UGT2B4: variants seen among roughly 807,000 people sequenced by gnomAD.
UGT2B4 encodes the protein UDP glucuronosyltransferase family 2 member B4, also known as UDP-glucuronosyltransferase 2B4.
Under a neutral mutation model 49.8 loss-of-function variants are expected in UGT2B4, and 49 were observed. That is an observed-to-expected ratio of 0.98 (90% CI 0.78 to 1.25). UGT2B4 has a LOEUF of 1.25. Ranked by LOEUF, UGT2B4 falls within the 50% of genes most tolerant of loss-of-function variation. UGT2B4 has a pLI of 0.00. For synonymous variants in UGT2B4, 246 were observed against 217.7 expected, an observed-to-expected ratio of 1.13 and a Z score of -1.14; for missense variants, 729 against 627.7, an observed-to-expected ratio of 1.16 and a Z score of -1.73.
intron 1 of UGT2B4, among the ~76,000 whole-genome samples, chr4:69,507,658 G>A (rs1380118899): frequency 6.6e-6 from 1 of 152,044 alleles, no homozygotes; most frequent in Non-Finnish European, 1.5e-5. Flanking sequence ...AAAGCCATAT[G>A]TAGAACACTA....
At chr4:69,481,083 A>G (rs1727574322) in intron 5 of UGT2B4, among the ~76,000 whole-genome samples, 173 bp from the exon 6 acceptor site, 1 of 102,946 alleles carries the variant, frequency 9.7e-6, no homozygotes, top group African/African-American at 3.6e-5. Flanking sequence ...CGTCTCCAGT[A>G]AAAATATGAA....
intron 1 of UGT2B4, among the ~76,000 whole-genome samples, chr4:69,519,316 A>G (rs1449507113): frequency 4.6e-5 from 7 of 152,240 alleles, no homozygotes; most frequent in African/African-American, 1.7e-4. Flanking sequence ...TAACCTAAGT[A>G]TGTCATCCAA....
chr4:69,508,899 C>T (rs1214889752), intron 1 of UGT2B4, among the ~76,000 whole-genome samples: 4 of 152,024 alleles, frequency 2.6e-5, no homozygotes, highest in African/African-American at 9.7e-5. Flanking sequence ...TTAAGTATAG[C>T]CACAACATTG....
intron 1 of UGT2B4, among the ~76,000 whole-genome samples, chr4:69,514,279 C>G (rs957557599): frequency 2.0e-5 from 3 of 152,106 alleles, no homozygotes; most frequent in African/African-American, 7.2e-5. Context: ...TGATATTCCC[C>G]TTCCTGTGTC....
At chr4:69,496,392 G>C (rs1434695233), upstream of UGT2B4, among the ~76,000 whole-genome samples, 1 of 152,110 alleles carries the variant, frequency 6.6e-6, no homozygotes, top group Admixed American at 6.5e-5. Flanking sequence ...CCTGACTCAT[G>C]TAATATATTT....
chr4:69,502,091 CTCTTTCTT>C (rs1157898949), intron 1 of UGT2B4, among the ~76,000 whole-genome samples: 1,321 of 108,454 alleles, frequency 0.012, 13 homozygotes, highest in African/African-American at 0.016. Flanking sequence ...TTCTTTCTCT[CTCTTTCTT>C]TCTTTCTTTC....
At chr4:69,521,805 T>C (rs779077283) in intron 1 of UGT2B4, among the ~76,000 whole-genome samples, 19 of 152,232 alleles carry the variant, frequency 1.2e-4, no homozygotes, top group Non-Finnish European at 2.6e-4. Context: ...ATTTGTTATA[T>C]GAAGGTAGCT....
intron 1 of UGT2B4, among the ~76,000 whole-genome samples, chr4:69,502,089 CTCTCTTTCTTTCTTTCTTTCTTTCTT>C (rs1728335533): frequency 1.2e-5 from 1 of 84,054 alleles, no homozygotes; most frequent in African/African-American, 4.6e-5. Context: ...CTTTCTTTCT[CTCTCTTTCTTTCTTTCTTTCTTTCTT>C]TCTTTCTTTC....
intron 4 of UGT2B4, 102 bp downstream of exon 4, chr4:69,486,507 G>T: frequency 1.3e-6 from 1 of 742,970 alleles, no homozygotes; most frequent in South Asian, 3.2e-5. Flanking sequence ...TTATTTTTAA[G>T]TTTTTCCATA....
rs556696132 is a variant in UGT2B4, at chr4:69,486,824, G to A, written c.1003-128C>T. 2.3e-5 allele frequency: 13 copies of A among 576,098 alleles called. No individual in the cohort carries two copies. In the Middle Eastern group the frequency reaches 2.5e-3, roughly 109 times the overall value. 35.7% of individuals were successfully genotyped at this position (576,098 alleles called of 1,614,324 possible). ...AGTAACAAGAACTACTCAGACTGAT[G>A]TAAATAGAATACTCATATTTCATTT... On this transcript the variant is annotated intron_variant, in intron 3 of 5. Transcript: ENST00000305107.
At chr4:69,486,460 C>T (rs1458018183) in intron 4 of UGT2B4, 149 bp downstream of exon 4, 4 of 452,524 alleles carry the variant, frequency 8.8e-6, no homozygotes, top group Non-Finnish European at 1.1e-5. Context: ...TATTCTTTTC[C>T]CCCGGGACTG....
chr4:69,502,125 CTTTCT>C (rs1728347703), intron 1 of UGT2B4, among the ~76,000 whole-genome samples: 1 of 131,348 alleles, frequency 7.6e-6, no homozygotes, highest in Non-Finnish European at 1.6e-5. Context: ...TTCTTTCTTT[CTTTCT>C]TTCTTTCTTT....
chr4:69,513,044 G>A (rs921754122), intron 1 of UGT2B4, among the ~76,000 whole-genome samples: 3 of 152,032 alleles, frequency 2.0e-5, no homozygotes, highest in Admixed American at 6.6e-5. Context: ...GTGTGTTCAC[G>A]CTGATGGTAG....
upstream of UGT2B4, among the ~76,000 whole-genome samples, chr4:69,500,626 A>AAAGC (rs1728288339): frequency 2.3e-5 from 2 of 86,402 alleles, no homozygotes; most frequent in African/African-American, 3.3e-5. Flanking sequence ...AGAAAGAAAG[A>AAAGC]AAGAAAGAAA....
intron 2 of UGT2B4, among the ~76,000 whole-genome samples, chr4:69,492,849 T>C (rs1227303414): frequency 1.3e-5 from 2 of 152,104 alleles, no homozygotes; most frequent in African/African-American, 4.8e-5. Context: ...ATCTGCTACC[T>C]GAATTCATAC....
chr4:69,520,207 T>C (rs965933845), intron 1 of UGT2B4, among the ~76,000 whole-genome samples: 3 of 152,166 alleles, frequency 2.0e-5, no homozygotes, highest in African/African-American at 7.2e-5. Context: ...ATTACAGACA[T>C]TAGAAAATGA....
intron 1 of UGT2B4, among the ~76,000 whole-genome samples, chr4:69,514,771 A>G (rs893366944): frequency 2.0e-5 from 3 of 152,164 alleles, no homozygotes; most frequent in African/African-American, 4.8e-5. Context: ...ATTGATTTGC[A>G]TATGTTGAAC....
At chr4:69,489,121 C>G (rs575186387) in intron 3 of UGT2B4, among the ~76,000 whole-genome samples, 39 of 152,164 alleles carry the variant, frequency 2.6e-4, no homozygotes, top group African/African-American at 7.7e-4. Flanking sequence ...ACAAAAGGAT[C>G]AAATCACAGG....
chr4:69,525,468 GA>G (rs918821242), intron 1 of UGT2B4, among the ~76,000 whole-genome samples: 6 of 151,676 alleles, frequency 4.0e-5, no homozygotes, highest in African/African-American at 9.7e-5. Flanking sequence ...GGCATGTTTG[GA>G]AAAAAAATAT....
Sources: gnomAD v4.1 joint callset for allele counts (sites outside exome capture counted in the v4.1 genomes callset) on GRCh38, gnomAD v4.1.1 for gene constraint, MANE v1.5 for transcripts, NCBI Gene and HGNC (gene_info 2026-07-23, HGNC 2026-07-21) for gene names.